FTCDNL1: variants seen among roughly 807,000 people sequenced by gnomAD.
The protein encoded by FTCDNL1 is formiminotransferase cyclodeaminase N-terminal like.
A neutral mutation model predicts 5.9 loss-of-function variants in FTCDNL1; 11 were observed. That is an observed-to-expected ratio of 1.87 (90% CI 1.18 to 3.10). The LOEUF is 3.10. FTCDNL1 is among the 30% of genes most tolerant of loss of function. The pLI is 0.00. For synonymous variants in FTCDNL1, 58 were observed against 24.8 expected (o/e 2.34, Z -3.99); for missense variants, 115 against 65.5 (o/e 1.76, Z -2.61).
At chr2:199,712,700 C>T in the FTCDNL1 span, among the ~76,000 whole-genome samples, 1 of 152,192 alleles carries the variant, frequency 6.6e-6, no homozygotes, top group Non-Finnish European at 1.5e-5. Context: ...CCATCCTTGC[C>T]TATTCCCAGC....
chr2:199,724,962 C>A, the FTCDNL1 span, among the ~76,000 whole-genome samples: 1 of 152,032 alleles, frequency 6.6e-6, no homozygotes, highest in Non-Finnish European at 1.5e-5. Flanking sequence ...TCTTGATGAT[C>A]TAATATTGAC....
chr2:199,695,097 T>A, the FTCDNL1 span, among the ~76,000 whole-genome samples: 1 of 152,150 alleles, frequency 6.6e-6, no homozygotes, highest in Non-Finnish European at 1.5e-5. Context: ...TTTCCACCCA[T>A]ATTCCATTGG....
chr2:199,680,212 G>C, the FTCDNL1 span, among the ~76,000 whole-genome samples: 17 of 152,284 alleles, frequency 1.1e-4, no homozygotes, highest in South Asian at 2.5e-3. Context: ...AAAATGACCA[G>C]GAGATTGGAG....
intron 3 of FTCDNL1, among the ~76,000 whole-genome samples, chr2:199,779,891 C>CA (rs1699277660): frequency 6.6e-6 from 1 of 152,198 alleles, no homozygotes. Context: ...AACAAACATG[C>CA]AAGACAACTG....
intron 4 of FTCDNL1, among the ~76,000 whole-genome samples, chr2:199,813,024 C>T (rs185135210): frequency 1.3e-5 from 2 of 152,184 alleles, no homozygotes; most frequent in Admixed American, 1.3e-4. Context: ...ACTCTTTATG[C>T]CAGATTGTTT....
chr2:199,818,293 T>C (rs1041959405), intron 4 of FTCDNL1: 12 of 152,216 alleles, frequency 7.9e-5, no homozygotes, highest in Non-Finnish European at 1.3e-4. Context: ...TGGGAAAATA[T>C]GTGAGGTTCA....
At chr2:199,755,754 G>T (rs1698054044), downstream of FTCDNL1, among the ~76,000 whole-genome samples, 1 of 152,042 alleles carries the variant, frequency 6.6e-6, no homozygotes, top group African/African-American at 2.4e-5. Context: ...GTAAATTACT[G>T]AACTTTTCTG....
At chr2:199,821,756 C>T (rs1701707495) in intron 3 of FTCDNL1, among the ~76,000 whole-genome samples, 1 of 152,218 alleles carries the variant, frequency 6.6e-6, no homozygotes, top group African/African-American at 2.4e-5. Context: ...AGCCACCACG[C>T]CCAGCCTGGG....
the FTCDNL1 span, among the ~76,000 whole-genome samples, chr2:199,745,073 C>T: frequency 0.036 from 5,530 of 152,320 alleles, 146 homozygotes; most frequent in South Asian, 0.059. Context: ...TGCCTACCTG[C>T]CATTTTCCCC....
chr2:199,683,054 C>T, the FTCDNL1 span, among the ~76,000 whole-genome samples: 1 of 152,112 alleles, frequency 6.6e-6, no homozygotes, highest in Admixed American at 6.5e-5. Flanking sequence ...AGACTGAAGT[C>T]CCTTTCTTCT....
intron 3 of FTCDNL1, among the ~76,000 whole-genome samples, chr2:199,831,625 T>A (rs1702376473): frequency 1.3e-5 from 2 of 152,184 alleles, no homozygotes; most frequent in South Asian, 4.1e-4. Context: ...GGTTTATACA[T>A]GTATGTAAGT....
the FTCDNL1 span, among the ~76,000 whole-genome samples, chr2:199,745,402 ATG>A: frequency 2.0e-5 from 3 of 152,190 alleles, no homozygotes; most frequent in Admixed American, 6.5e-5. Context: ...TTCCTACTCG[ATG>A]ACAGGTTTCT....
chr2:199,720,896 G>T, the FTCDNL1 span, among the ~76,000 whole-genome samples: 1 of 151,832 alleles, frequency 6.6e-6, no homozygotes, highest in Admixed American at 6.6e-5. Context: ...TGTACTACAC[G>T]GTATAACAGC....
At chr2:199,750,718 C>T in the FTCDNL1 span, among the ~76,000 whole-genome samples, 2 of 152,206 alleles carry the variant, frequency 1.3e-5, no homozygotes, top group African/African-American at 2.4e-5. Flanking sequence ...GGCTTTCCAC[C>T]GGGCGGACTC....
At chr2:199,782,295 T>C (rs1699405996) in intron 3 of FTCDNL1, among the ~76,000 whole-genome samples, 1 of 152,202 alleles carries the variant, frequency 6.6e-6, no homozygotes, top group Admixed American at 6.5e-5. Flanking sequence ...TTTAATCAAC[T>C]TTACTGAGGA....
In FTCDNL1 at chr2:199,760,828, CT is replaced by C; in HGVS notation, c.218del (p.Lys73SerfsTer31). 2 of 702,342 alleles carry C rather than the reference CT, an allele frequency of 2.8e-6. No homozygotes were observed. Among genetic ancestry groups the C allele is most frequent in the Non-Finnish European group, 5.2e-6 (2 of 384,806 alleles). 43.5% of individuals were successfully genotyped at this position (702,342 alleles called of 1,614,324 possible). A position where few individuals can be genotyped will look rare whatever the true frequency, so the allele number is the denominator to read the frequency against. On this transcript the variant is annotated frameshift_variant, in exon 4 of 4. Transcript: ENST00000416668. LOFTEE classifies it high-confidence loss of function. ...GCACTTGCCTTTAGGCTTGGTTGCG[CT>C]TGTCCACTGGGAATAAGGGAAGGAG...
intron 3 of FTCDNL1, among the ~76,000 whole-genome samples, chr2:199,795,105 A>C (rs1700108517): frequency 6.6e-6 from 1 of 152,180 alleles, no homozygotes; most frequent in South Asian, 2.1e-4. Context: ...AATAATAAAA[A>C]TTTGACTTGG....
At position 199,803,456 on chromosome 2, in the gene FTCDNL1, T is replaced by G. The variant is rs933015275; in HGVS notation, c.211+42619A>C. On this transcript the variant is annotated intron_variant, in intron 3 of 3. Coordinates refer to the FTCDNL1 transcript ENST00000416668. The stretch of plus-strand genomic sequence containing the variant: ...GGTCCAAGGTTATTGTTTTGTTTTG[T>G]TTTGGTTTGGTTTGGTTTGGTTTGG... 2.2e-4 allele frequency among the ~76,000 whole-genome samples: 33 copies of G among 150,436 alleles called. No homozygotes were observed. In the East Asian group the frequency reaches 3.0e-3, roughly 14 times the overall value.
chr2:199,770,401 G>A (rs1042712847), intron 3 of FTCDNL1, among the ~76,000 whole-genome samples: 1 of 152,224 alleles, frequency 6.6e-6, no homozygotes, highest in African/African-American at 2.4e-5. Flanking sequence ...CGCATAGTCA[G>A]TGAGTGGCAC....
Sources: allele counts gnomAD v4.1 joint callset (sites outside exome capture counted in the v4.1 genomes callset), GRCh38; gene constraint gnomAD v4.1.1; transcripts MANE v1.5; gene names NCBI Gene and HGNC (gene_info 2026-07-23, HGNC 2026-07-21).